FOCAD: variants seen among roughly 807,000 people sequenced by gnomAD.
FOCAD encodes focadhesin.
In FOCAD, 198 loss-of-function variants were observed where a neutral mutation model predicts 225.6. The observed-to-expected ratio is 0.88, with a 90% CI of 0.78 to 0.99. FOCAD has a LOEUF of 0.99. Ranked by LOEUF, FOCAD falls within the 50% of genes least tolerant of loss-of-function variation. The pLI is 0.00. For synonymous variants in FOCAD, 897 were observed against 755.0 expected, an observed-to-expected ratio of 1.19 and a Z score of -3.08; for missense variants, 2,713 against 2,123.6, an observed-to-expected ratio of 1.28 and a Z score of -5.46.
intron 1 of FOCAD, among the ~76,000 whole-genome samples, chr9:20,714,840 G>C (rs1035844576): frequency 6.6e-6 from 1 of 152,050 alleles, no homozygotes; most frequent in African/African-American, 2.4e-5. Context: ...TGAACTTCTA[G>C]GTCTTTTCTA....
At chr9:20,705,924 G>GT (rs59407171) in intron 1 of FOCAD, among the ~76,000 whole-genome samples, 2,155 of 106,810 alleles carry the variant, frequency 0.02, 94 homozygotes, top group African/African-American at 0.04. Context: ...TCAGTTTTAA[G>GT]TTTTTTTTTT....
At chr9:20,891,759 T>C (rs926900590) in intron 21 of FOCAD, among the ~76,000 whole-genome samples, 1 of 152,202 alleles carries the variant, frequency 6.6e-6, no homozygotes, top group Admixed American at 6.5e-5. Flanking sequence ...ATGTAAAAGC[T>C]GCAGCAAGTT....
At chr9:20,884,059 C>T (rs1373411944) in intron 20 of FOCAD, among the ~76,000 whole-genome samples, 2 of 152,098 alleles carry the variant, frequency 1.3e-5, no homozygotes, top group African/African-American at 2.4e-5. Context: ...TGAGTATAAA[C>T]TAAAGGGACC....
intron 18 of FOCAD, among the ~76,000 whole-genome samples, chr9:20,867,591 C>G (rs893481274): frequency 6.6e-6 from 1 of 152,010 alleles, no homozygotes; most frequent in Non-Finnish European, 1.5e-5. Context: ...TTAGACTAAA[C>G]TAAAAACATA....
At chr9:20,936,443 C>G (rs974133588) in intron 28 of FOCAD, among the ~76,000 whole-genome samples, 3 of 152,172 alleles carry the variant, frequency 2.0e-5, no homozygotes, top group Non-Finnish European at 4.4e-5. Context: ...GTTATGGGAT[C>G]TTCTTTCAGA....
At chr9:20,834,629 C>T (rs908207414) in intron 15 of FOCAD, among the ~76,000 whole-genome samples, 7 of 151,992 alleles carry the variant, frequency 4.6e-5, no homozygotes, top group Admixed American at 1.3e-4. Flanking sequence ...ACATACCACG[C>T]GATTCCTTCC....
intron 11 of FOCAD, among the ~76,000 whole-genome samples, chr9:20,796,299 G>T (rs1252586850): frequency 6.6e-6 from 1 of 152,180 alleles, no homozygotes; most frequent in Non-Finnish European, 1.5e-5. Flanking sequence ...CTTTATAGCA[G>T]CATGATTTAT....
chr9:20,834,064 T>TA (rs1444495229), intron 15 of FOCAD, among the ~76,000 whole-genome samples: 1 of 152,058 alleles, frequency 6.6e-6, no homozygotes, highest in Non-Finnish European at 1.5e-5. Context: ...TTGTTAAGGA[T>TA]AGCATATTTG....
At chr9:20,958,575 A>G (rs1426052700) in intron 35 of FOCAD, among the ~76,000 whole-genome samples, 3 of 152,114 alleles carry the variant, frequency 2.0e-5, no homozygotes, top group Non-Finnish European at 4.4e-5. Flanking sequence ...ACTTGAAACT[A>G]TGTATTATTG....
intron 24 of FOCAD, among the ~76,000 whole-genome samples, chr9:20,920,290 A>G (rs921694450): frequency 7.6e-6 from 1 of 132,142 alleles, no homozygotes; most frequent in Non-Finnish European, 1.6e-5. Flanking sequence ...TTAGAATGGC[A>G]ATCATTAAAA....
At chr9:20,918,801 A>G (rs1834102526) in intron 24 of FOCAD, among the ~76,000 whole-genome samples, 1 of 152,130 alleles carries the variant, frequency 6.6e-6, no homozygotes, top group African/African-American at 2.4e-5. Flanking sequence ...TAGGAATGGT[A>G]GCAAGTGTAT....
chr9:20,821,014 T>C lies in FOCAD; in HGVS notation c.1736T>C (p.Val579Ala), dbSNP rs1824266291. The change falls in exon 14 of 44, where the codon GTC becomes GCC. Residue 579 changes from valine (V) to alanine (A), a missense_variant. Val to Ala is a moderately conservative substitution (Grantham distance 64). Transcript: ENST00000338382. ...DVPSLSVGKEVQWEKLIAKAA... is the reference protein window; with the variant it reads ...DVPSLSVGKEAQWEKLIAKAA... Reference sequence around the variant, plus strand: ...CCTTCTCTTTCGGTGGGCAAGGAAGTCCAATGGGAGAAACTGATTGCAAAA... The same window carrying C: ...CCTTCTCTTTCGGTGGGCAAGGAAGCCCAATGGGAGAAACTGATTGCAAAA... 1 of 1,612,612 alleles carries C rather than the reference T, an allele frequency of 6.2e-7. No homozygotes were observed. The highest frequency in any genetic ancestry group is 1.3e-5 in the African/African-American group (1 of 74,790).
In FOCAD at chr9:20,819,906, T is replaced by C; in HGVS notation, c.1560+6T>C. On this transcript the variant is annotated splice_donor_region_variant and intron_variant, in intron 12 of 43. Coordinates refer to ENST00000338382, the MANE Select transcript of FOCAD (RefSeq NM_001375567.1). ...CTAAGCTTGGTGTTCACAAGGTTAG[T>C]ATGTTAATTAATTTAGTTGGCGAAA... 1 of 1,460,418 alleles carries C rather than the reference T, an allele frequency of 6.8e-7. No individual in the cohort carries two copies. The highest frequency in any genetic ancestry group is 9.3e-7 in the Non-Finnish European group (1 of 1,077,564). 90.5% of individuals were successfully genotyped at this position (1,460,418 alleles called of 1,614,324 possible).
In FOCAD at chr9:20,926,385, C is replaced by A; in HGVS notation, c.3046C>A (p.Pro1016Thr). The change falls in exon 26 of 44, where the codon CCC (proline) becomes ACC (threonine). Residue 1016 changes from proline to threonine, a missense_variant. Coordinates refer to ENST00000338382, the MANE Select transcript of FOCAD (RefSeq NM_001375567.1). ...GGTCATTGTGGATAGCCATTACCAA[C>A]CCAGAGGGCAACTTCTCTCCTGGTT... ...LLVIVDSHYQ[P>T]RGQLLSWFYY... 2 of 1,611,644 alleles carry A rather than the reference C, an allele frequency of 1.2e-6. No individual in the cohort carries two copies. The highest frequency in any genetic ancestry group is 1.1e-5 in the South Asian group (1 of 91,008).
chr9:20,928,060 T>C (rs1002997447), intron 26 of FOCAD, among the ~76,000 whole-genome samples: 10 of 152,190 alleles, frequency 6.6e-5, no homozygotes, highest in African/African-American at 2.4e-4. Flanking sequence ...AGTGTTCTTA[T>C]TTCTTTAATG....
chr9:20,884,991 G>A (rs546666668), intron 20 of FOCAD, 118 bp from the exon 21 acceptor site: 18 of 424,662 alleles, frequency 4.2e-5, no homozygotes, highest in African/African-American at 3.2e-4. Flanking sequence ...CCCAGGCGGC[G>A]GAGGTTGCAG....
intron 35 of FOCAD, among the ~76,000 whole-genome samples, chr9:20,965,834 G>A (rs768601246): frequency 1.6e-4 from 24 of 152,058 alleles, no homozygotes; most frequent in Non-Finnish European, 3.2e-4. Context: ...TGTTTTCAAG[G>A]TTCATTCGCA....
At position 20,740,412 on chromosome 9, in the gene FOCAD, AT is replaced by A; in HGVS notation, c.392+73del. The A allele has an allele frequency of 4.7e-6, 4 of 854,768 alleles. 1 individual carries two copies. The South Asian group carries it at 5.1e-5, about 11-fold the overall frequency. 52.9% of individuals were successfully genotyped at this position (854,768 alleles called of 1,614,324 possible). The stretch of plus-strand genomic sequence containing the variant: ...TGAAATTATTAACTGTGACATGATA[AT>A]CCAGTAAGAATTAGTTATTTAATTC... On this transcript the variant is annotated intron_variant, in intron 5 of 43. Transcript: ENST00000338382.
At chr9:20,938,350 A>G (rs1304900178) in intron 28 of FOCAD, among the ~76,000 whole-genome samples, 5 of 152,172 alleles carry the variant, frequency 3.3e-5, no homozygotes, top group Admixed American at 6.5e-5. Flanking sequence ...ACAATGATAG[A>G]CTGGATTAAG....
Sources: gnomAD v4.1 joint callset for allele counts (sites outside exome capture counted in the v4.1 genomes callset) on GRCh38, gnomAD v4.1.1 for gene constraint, MANE v1.5 for transcripts, NCBI Gene and HGNC (gene_info 2026-07-23, HGNC 2026-07-21) for gene names.